NLRP2: variants seen among roughly 807,000 people sequenced by gnomAD.
The protein encoded by NLRP2 is NLR family pyrin domain containing 2.
NLRP2 carries 107 observed loss-of-function variants against 97.2 expected under a neutral mutation model. That is an observed-to-expected ratio of 1.10 (90% CI 0.94 to 1.29). The LOEUF is 1.29. Among genes scored for constraint, NLRP2 ranks in the 50% most tolerant of loss-of-function variants. The pLI, the probability that NLRP2 is intolerant of heterozygous loss-of-function variation, is 0.00. For missense variants in NLRP2, 1,495 were observed against 1,330.3 expected, an observed-to-expected ratio of 1.12 and a Z score of -1.93; for synonymous variants, 663 against 551.5, an observed-to-expected ratio of 1.20 and a Z score of -2.83.
At chr19:54,980,102 G>A (rs1446499929) in intron 4 of NLRP2, among the ~76,000 whole-genome samples, 1 of 151,662 alleles carries the variant, frequency 6.6e-6, no homozygotes, top group Non-Finnish European at 1.5e-5. Flanking sequence ...AAAGAATTTC[G>A]GTGCGACTTG....
chr19:54,996,669 C>T (rs1256860242), intron 11 of NLRP2, among the ~76,000 whole-genome samples: 1 of 152,136 alleles, frequency 6.6e-6, no homozygotes, highest in East Asian at 1.9e-4. Context: ...CTGTCTCACT[C>T]ATGCCCGCTG....
At position 54,983,179 on chromosome 19, in the gene NLRP2, T is replaced by C. The variant is rs2071750714; in HGVS notation, c.1481T>C (p.Val494Ala). 6.2e-7 allele frequency: 1 copy of C among 1,612,700 alleles called. No homozygotes were observed. The highest frequency in any genetic ancestry group is 8.5e-7 in the Non-Finnish European group (1 of 1,179,872). Reference protein sequence around the residue: ...LDGDILRQDRVSKGCYSFIHL... With the variant: ...LDGDILRQDRASKGCYSFIHL... ...GGAGACATCCTCCGCCAGGACAGAG[T>C]CTCCAAAGGCTGCTACTCCTTCATC... Residue 494 changes from valine to alanine, a missense_variant, in exon 6 of 13, where the codon GTC becomes GCC. Transcript: ENST00000448584.
chr19:54,971,454 C>T (rs1372854105), intron 2 of NLRP2, among the ~76,000 whole-genome samples: 1 of 152,028 alleles, frequency 6.6e-6, no homozygotes, highest in Non-Finnish European at 1.5e-5. Context: ...TGAAAGTGTT[C>T]CTATTTCTCC....
intron 12 of NLRP2, among the ~76,000 whole-genome samples, chr19:55,000,266 CTG>C (rs1311775931): frequency 3.4e-5 from 3 of 88,590 alleles, no homozygotes; most frequent in South Asian, 8.6e-4. Flanking sequence ...AACAGAGAGA[CTG>C]TCTTTTTTTT....
At chr19:54,980,115 G>T (rs959421287) in intron 4 of NLRP2, among the ~76,000 whole-genome samples, 1 of 151,832 alleles carries the variant, frequency 6.6e-6, no homozygotes, top group African/African-American at 2.4e-5. Context: ...GCGACTTGGG[G>T]TACTGTGGTG....
At chr19:54,968,828 A>T (rs2070655875) in intron 1 of NLRP2, among the ~76,000 whole-genome samples, 1 of 151,250 alleles carries the variant, frequency 6.6e-6, no homozygotes. Context: ...CAGCCTCCCA[A>T]GTAGCTGGAA....
intron 4 of NLRP2, among the ~76,000 whole-genome samples, chr19:54,978,845 TAA>T (rs78482875): frequency 0.034 from 4,603 of 136,252 alleles, 123 homozygotes; most frequent in African/African-American, 0.072. Flanking sequence ...GACTCCATCT[TAA>T]AAAAAAAAAA....
chr19:54,997,021 C>T (rs1453448255), intron 11 of NLRP2, among the ~76,000 whole-genome samples: 1 of 152,142 alleles, frequency 6.6e-6, no homozygotes, highest in Admixed American at 6.6e-5. Flanking sequence ...GATTCTCCTG[C>T]CCCAGCCTCC....
chr19:55,001,022 TG>T lies in NLRP2; in HGVS notation c.*125del. 1.2e-6 allele frequency: 1 copy of T among 839,112 alleles called. No individual in the cohort carries two copies. The highest frequency in any genetic ancestry group is 1.4e-5 in the South Asian group (1 of 70,596). The allele number at this position is 839,112 out of a possible 1,614,324, so 52.0% of individuals were successfully genotyped here. A position where few individuals can be genotyped will look rare whatever the true frequency, so the allele number is the denominator to read the frequency against. ...ATAATGAGTTCATTGCTGGGCTAGA[TG>T]TTTTAGCCATGATTCTGCCTCTGTT... On this transcript the variant is annotated 3_prime_UTR_variant, in exon 13 of 13. Transcript: ENST00000448584.
intron 6 of NLRP2, among the ~76,000 whole-genome samples, chr19:54,984,825 C>T: frequency 6.6e-6 from 1 of 152,038 alleles, no homozygotes; most frequent in African/African-American, 2.4e-5. Context: ...AGCATTTTAA[C>T]TTATTTTTAC....
intron 6 of NLRP2, among the ~76,000 whole-genome samples, chr19:54,984,329 G>GTT (rs200366059): frequency 0.021 from 1,708 of 79,626 alleles, 60 homozygotes; most frequent in Non-Finnish European, 0.028. Context: ...TTTTTTTTGT[G>GTT]TTTTTTTTTT....
At chr19:55,000,342 TCTCGG>T (rs1053277402) in intron 12 of NLRP2, among the ~76,000 whole-genome samples, 18 of 125,736 alleles carry the variant, frequency 1.4e-4, no homozygotes, top group Non-Finnish European at 6.4e-5. Flanking sequence ...AGTGGCACGA[TCTCGG>T]CTCACTGCAA....
Position 54,980,300 on chromosome 19 carries a change from G to A in NLRP2, c.398-1317G>A, listed in dbSNP as rs571136906. 1.5e-4 allele frequency among the ~76,000 whole-genome samples: 22 copies of A among 151,378 alleles called. No homozygotes were observed. The South Asian group carries it at 3.3e-3, about 23-fold the overall frequency. On this transcript the variant is annotated intron_variant, in intron 4 of 12. Transcript: ENST00000448584. The stretch of plus-strand genomic sequence containing the variant: ...TGCAAGCTCCATCTCCCGGGTTCAC[G>A]CCATTCTGCCTCAGCCTCCCCAGTA...
At chr19:54,981,889 C>T (rs2071600202) in intron 5 of NLRP2, among the ~76,000 whole-genome samples, 1 of 152,054 alleles carries the variant, frequency 6.6e-6, no homozygotes, top group Non-Finnish European at 1.5e-5. Context: ...AGCAATTCTC[C>T]TGCCTCAGCC....
At chr19:54,979,782 C>T (rs2071457876) in intron 4 of NLRP2, among the ~76,000 whole-genome samples, 1 of 151,548 alleles carries the variant, frequency 6.6e-6, no homozygotes, top group South Asian at 2.1e-4. Flanking sequence ...GGCACACAAT[C>T]TTTTTTTTTC....
At chr19:54,975,208 C>T (rs149770293) in intron 3 of NLRP2, among the ~76,000 whole-genome samples, 4 of 138,518 alleles carry the variant, frequency 2.9e-5, no homozygotes, top group South Asian at 4.8e-4. Flanking sequence ...GCAGCCTTGA[C>T]CTCCCAAGCT....
intron 8 of NLRP2, 35 bp downstream of exon 8, chr19:54,986,350 C>A: frequency 1.3e-6 from 2 of 1,587,468 alleles, no homozygotes; most frequent in Non-Finnish European, 1.7e-6. Flanking sequence ...CTTCATCATA[C>A]AAACATAAGC....
chr19:54,999,449 C>T (rs2073059800), intron 12 of NLRP2, among the ~76,000 whole-genome samples: 1 of 152,138 alleles, frequency 6.6e-6, no homozygotes, highest in Admixed American at 6.5e-5. Flanking sequence ...GCCTGGCCTG[C>T]ATCTCCTCTG....
intron 5 of NLRP2, 54 bp downstream of exon 5, chr19:54,981,736 C>CTT (rs2071591066): frequency 1.0e-6 from 1 of 972,398 alleles, no homozygotes; most frequent in Non-Finnish European, 1.7e-6. Context: ...TCTTTATAAA[C>CTT]TTGAAGTCCT....
Sources: allele counts gnomAD v4.1 joint callset (sites outside exome capture counted in the v4.1 genomes callset), GRCh38; gene constraint gnomAD v4.1.1; transcripts MANE v1.5; gene names NCBI Gene and HGNC (gene_info 2026-07-23, HGNC 2026-07-21).